STK10: variants seen among roughly 807,000 people sequenced by gnomAD.
STK10 encodes serine/threonine-protein kinase 10.
STK10 carries 78 observed loss-of-function variants against 113.8 expected under a neutral mutation model. The ratio of observed to expected loss-of-function variants is 0.69; its 90% CI spans 0.57 to 0.83. The LOEUF (loss-of-function observed/expected upper bound fraction) is 0.83. STK10 is among the 40% of genes least tolerant of loss of function. The pLI, the probability that STK10 is intolerant of heterozygous loss-of-function variation, is 0.00. For missense variants in STK10, 1,109 were observed against 1,280.1 expected (o/e 0.87, Z 2.04); for synonymous variants, 465 against 494.7 (o/e 0.94, Z 0.80).
chr5:172,073,629 T>C (rs766023786), intron 12 of STK10, among the ~76,000 whole-genome samples: 13 of 151,840 alleles, frequency 8.6e-5, no homozygotes, highest in Admixed American at 6.6e-5. Context: ...GTATGTTGCA[T>C]AACAGCACCA....
chr5:172,100,725 T>C (rs1768971236), intron 7 of STK10, among the ~76,000 whole-genome samples: 1 of 152,008 alleles, frequency 6.6e-6, no homozygotes, highest in African/African-American at 2.4e-5. Flanking sequence ...AGGCGGAGAT[T>C]GCAGTGAACC....
chr5:172,043,801 AAGAGAAGTCCAAC>A lies in STK10; in HGVS notation c.*1068_*1080del, dbSNP rs1405506444. ...TTCCCCCTGATGCTTTTTCTTCCTGAAGAGAAGTCCAACAGACTGCCAGCCCAGGTCTGAAATG... is the reference window on the plus strand; with the variant it reads ...TTCCCCCTGATGCTTTTTCTTCCTGAAGACTGCCAGCCCAGGTCTGAAATG... On this transcript the variant is annotated 3_prime_UTR_variant, in exon 19 of 19. Coordinates refer to ENST00000176763, the MANE Select transcript of STK10 (RefSeq NM_005990.4). The A allele has an allele frequency of 2.0e-5, 3 of 152,132 alleles. No homozygotes were observed. The highest frequency in any genetic ancestry group is 7.2e-5 in the African/African-American group (3 of 41,404). 9.4% of individuals were successfully genotyped at this position (152,132 alleles called of 1,614,324 possible).
Position 172,065,860 on chromosome 5 carries a change from TGAG to T in STK10, c.1990-1051_1990-1049del, listed in dbSNP as rs556487823. On this transcript the variant is annotated intron_variant, in intron 12 of 18. Transcript: ENST00000176763. ...AGCACAGGGAAGCAATGTCCAGAGA[TGAG>T]AAGAAGAATCCCTGGCAACACTCCT... Among the ~76,000 whole-genome samples the T allele has an allele frequency of 6.8e-3, 975 of 142,896 alleles. 5 individuals are homozygous for T. Among genetic ancestry groups the T allele is most frequent in the African/African-American group, 0.023 (930 of 40,764 alleles). The allele number at this position is 142,896 out of a possible 152,430, so 93.7% of individuals were successfully genotyped here.
intron 12 of STK10, among the ~76,000 whole-genome samples, chr5:172,072,284 T>TA (rs1768202524): frequency 6.6e-6 from 1 of 152,086 alleles, no homozygotes; most frequent in African/African-American, 2.4e-5. Context: ...CTTTTTTTTT[T>TA]GAGATGGAGT....
At chr5:172,128,251 GT>G (rs2113788717) in intron 2 of STK10, among the ~76,000 whole-genome samples, 1 of 146,524 alleles carries the variant, frequency 6.8e-6, no homozygotes, top group South Asian at 2.1e-4. Flanking sequence ...AAAAAGAAAG[GT>G]TCTTCCAGCC....
chr5:172,058,030 G>A (rs981957275), intron 14 of STK10, among the ~76,000 whole-genome samples: 4 of 152,172 alleles, frequency 2.6e-5, no homozygotes, highest in African/African-American at 7.2e-5. Flanking sequence ...CCAGGCATGC[G>A]TTATGAAGAC....
At chr5:172,049,358 G>A (rs984474811) in intron 18 of STK10, among the ~76,000 whole-genome samples, 1 of 152,140 alleles carries the variant, frequency 6.6e-6, no homozygotes, top group Admixed American at 6.6e-5. Flanking sequence ...CAGCCTCCGT[G>A]GGGGAGGCCT....
chr5:172,117,652 T>C, intron 3 of STK10, 22 bp from the exon 4 acceptor site: 1 of 1,613,644 alleles, frequency 6.2e-7, no homozygotes, highest in Non-Finnish European at 8.5e-7. Context: ...GGAGAACGGC[T>C]GTCAATTCAG....
At chr5:172,118,431 A>G (rs557709393) in intron 3 of STK10, among the ~76,000 whole-genome samples, 1 of 152,306 alleles carries the variant, frequency 6.6e-6, no homozygotes, top group South Asian at 2.1e-4. Context: ...GGATGTCAGA[A>G]TGGGCAGGAA....
chr5:172,138,615 T>C (rs1276642696), intron 2 of STK10, among the ~76,000 whole-genome samples: 1 of 152,120 alleles, frequency 6.6e-6, no homozygotes, highest in Admixed American at 6.6e-5. Context: ...AAAATGAATA[T>C]ACTTAGGAAT....
chr5:172,095,230 A>G (rs954603027), intron 8 of STK10, among the ~76,000 whole-genome samples: 3 of 152,184 alleles, frequency 2.0e-5, no homozygotes, highest in Non-Finnish European at 2.9e-5. Flanking sequence ...AGCAACTCCA[A>G]TCTACCTTCT....
chr5:172,050,231 C>T (rs191486775), intron 18 of STK10, among the ~76,000 whole-genome samples: 7 of 152,322 alleles, frequency 4.6e-5, no homozygotes, highest in East Asian at 1.9e-4. Flanking sequence ...AGCCCTTTAA[C>T]GTCCTGTGTG....
chr5:172,063,163 T>C (rs951355958), intron 13 of STK10, among the ~76,000 whole-genome samples: 10 of 151,886 alleles, frequency 6.6e-5, no homozygotes, highest in African/African-American at 1.9e-4. Context: ...GGCAGGAGAA[T>C]TGCTTGAACC....
intron 1 of STK10, among the ~76,000 whole-genome samples, chr5:172,173,893 C>A (rs548115622): frequency 6.6e-6 from 1 of 152,192 alleles, no homozygotes; most frequent in Non-Finnish European, 1.5e-5. Context: ...TTCGCAAAGT[C>A]GGGGCAAAGG....
intron 18 of STK10, among the ~76,000 whole-genome samples, chr5:172,046,422 A>G (rs543531499): frequency 6.6e-6 from 1 of 152,212 alleles, no homozygotes; most frequent in Non-Finnish European, 1.5e-5. Context: ...CTGTAAGCCA[A>G]TTCCAGCACA....
At chr5:172,146,629 C>G (rs530428488) in intron 2 of STK10, among the ~76,000 whole-genome samples, 1 of 152,332 alleles carries the variant, frequency 6.6e-6, no homozygotes, top group East Asian at 1.9e-4. Flanking sequence ...GGCAGCCACA[C>G]CCAGCCTGGC....
chr5:172,150,338 G>A (rs574939426), intron 2 of STK10, among the ~76,000 whole-genome samples: 7 of 151,942 alleles, frequency 4.6e-5, no homozygotes, highest in Middle Eastern at 3.4e-3. Flanking sequence ...AAAATTAGCC[G>A]GGTGTGGTGG....
At chr5:172,179,795 T>C (rs1770818938) in intron 1 of STK10, among the ~76,000 whole-genome samples, 1 of 152,090 alleles carries the variant, frequency 6.6e-6, no homozygotes, top group Non-Finnish European at 1.5e-5. Flanking sequence ...ACTGAGACCT[T>C]CCCCATCCCC....
chr5:172,066,483 T>C (rs1176111548), intron 12 of STK10, among the ~76,000 whole-genome samples: 2 of 152,054 alleles, frequency 1.3e-5, no homozygotes, highest in Non-Finnish European at 2.9e-5. Flanking sequence ...ATGGGATGAA[T>C]CCCAAAGAGA....
Sources: allele counts gnomAD v4.1 joint callset (sites outside exome capture counted in the v4.1 genomes callset), GRCh38; gene constraint gnomAD v4.1.1; transcripts MANE v1.5; gene names NCBI Gene and HGNC (gene_info 2026-07-23, HGNC 2026-07-21).